Variants in SEMA5A observed in about 807,000 individuals in gnomAD.
The protein encoded by SEMA5A is semaphorin 5A, also known as semaphorin-5A.
In SEMA5A, 55 loss-of-function variants were observed where a neutral mutation model predicts 135.5. The ratio of observed to expected loss-of-function variants is 0.41; its 90% CI spans 0.33 to 0.51. The LOEUF is 0.51. Among genes scored for constraint, SEMA5A ranks in the 20% least tolerant of loss-of-function variants. The pLI is 0.37. For missense variants in SEMA5A, 1,290 were observed against 1,419.9 expected, an observed-to-expected ratio of 0.91 and a Z score of 1.47; for synonymous variants, 580 against 546.5, an observed-to-expected ratio of 1.06 and a Z score of -0.85.
rs1211680794 is a variant in SEMA5A at position 9,380,019 on chromosome 5, A to T, written c.-73T>A. ...GCTCTTCTTCTCCTCATGTGTGGAA[A>T]GTGCCTAAAACACACAAAAGAGAAG... On this transcript the variant is annotated 5_prime_UTR_variant, in exon 3 of 23. Transcript: ENST00000382496. The T allele has an allele frequency of 1.3e-6, 2 of 1,522,112 alleles. No individual in the cohort carries two copies. Among genetic ancestry groups the T allele is most frequent in the Non-Finnish European group, 1.8e-6 (2 of 1,132,450 alleles). The allele number at this position is 1,522,112 out of a possible 1,614,324, so 94.3% of individuals were successfully genotyped here. A position where few individuals can be genotyped will look rare whatever the true frequency, so the allele number is the denominator to read the frequency against.
intron 2 of SEMA5A, among the ~76,000 whole-genome samples, chr5:9,385,306 GA>G (rs372399817): frequency 1.3e-5 from 2 of 151,758 alleles, no homozygotes; most frequent in South Asian, 2.1e-4. Context: ...CTCCTTTTAG[GA>G]AAAAAAATTG....
intron 2 of SEMA5A, among the ~76,000 whole-genome samples, chr5:9,415,783 CCT>C (rs1435102851): frequency 6.6e-6 from 1 of 152,146 alleles, no homozygotes; most frequent in Non-Finnish European, 1.5e-5. Flanking sequence ...TGGTTTATGG[CCT>C]CACTCTATTT....
At chr5:9,118,939 C>T in intron 15 of SEMA5A, 59 bp downstream of exon 15, 1 of 1,580,512 alleles carries the variant, frequency 6.3e-7, no homozygotes, top group East Asian at 2.3e-5. Flanking sequence ...GGAACTCGAC[C>T]TGGCCGGAAT....
chr5:9,384,599 G>C lies in SEMA5A; in HGVS notation c.-77-4576C>G, dbSNP rs371037775. Among the ~76,000 whole-genome samples, 441 of 112,782 alleles carry C rather than the reference G, an allele frequency of 3.9e-3. 14 individuals are homozygous for C. The highest frequency in any genetic ancestry group is 0.013 in the African/African-American group (314 of 24,670). The allele number at this position is 112,782 out of a possible 152,430, so 74.0% of individuals were successfully genotyped here. A position where few individuals can be genotyped will look rare whatever the true frequency, so the allele number is the denominator to read the frequency against. ...AGATAGATAGATAGATAGATAGATAGATAGATAGATAGATAGATACATAGA... is the reference window on the plus strand; with the variant it reads ...AGATAGATAGATAGATAGATAGATACATAGATAGATAGATAGATACATAGA... On this transcript the variant is annotated intron_variant, in intron 2 of 22. Coordinates refer to ENST00000382496, the MANE Select transcript of SEMA5A (RefSeq NM_003966.3).
chr5:9,117,722 A>G (rs1740596616), intron 15 of SEMA5A, among the ~76,000 whole-genome samples: 1 of 152,212 alleles, frequency 6.6e-6, no homozygotes, highest in Admixed American at 6.5e-5. Flanking sequence ...AGGAATGTTC[A>G]ACCTGTCCTA....
intron 2 of SEMA5A, among the ~76,000 whole-genome samples, chr5:9,425,228 T>C (rs550592991): frequency 6.6e-6 from 1 of 152,234 alleles, no homozygotes; most frequent in Admixed American, 6.5e-5. Flanking sequence ...CACTGGACAA[T>C]ACTTTTTTTA....
rs1554006684 is a variant in SEMA5A, at chr5:9,226,996, A to AAAAT, written c.334-30_334-29insATTT. On this transcript the variant is annotated intron_variant, in intron 6 of 22. Transcript: ENST00000382496. ...AGGGAAAATAAATAAATTAATTAAA[A>AAAAT]ATATATATATATATGTATAATGATA... 41 of 1,059,382 alleles carry AAAAT rather than the reference A, an allele frequency of 3.9e-5. No homozygotes were observed. The East Asian group carries it at 1.0e-3, about 26-fold the overall frequency. The allele number at this position is 1,059,382 out of a possible 1,614,324, so 65.6% of individuals were successfully genotyped here.
intron 1 of SEMA5A, among the ~76,000 whole-genome samples, chr5:9,494,389 C>T (rs1416892313): frequency 6.6e-6 from 1 of 152,174 alleles, no homozygotes; most frequent in Non-Finnish European, 1.5e-5. Context: ...AATATAATCT[C>T]TTTGCTTTCC....
At chr5:9,122,627 G>A (rs1465861085) in intron 14 of SEMA5A, 29 bp downstream of exon 14, 19 of 1,497,714 alleles carry the variant, frequency 1.3e-5, no homozygotes, top group Non-Finnish European at 1.6e-5. Context: ...ATACACAGCA[G>A]CACAACTGGC....
intron 12 of SEMA5A, among the ~76,000 whole-genome samples, chr5:9,142,950 TCAGA>T (rs1742145801): frequency 7.1e-6 from 1 of 140,708 alleles, no homozygotes; most frequent in Non-Finnish European, 1.6e-5. Flanking sequence ...AGAATCCATC[TCAGA>T]CAAACAAACA....
intron 1 of SEMA5A, among the ~76,000 whole-genome samples, chr5:9,451,033 G>A (rs1057384917): frequency 9.2e-5 from 14 of 152,152 alleles, no homozygotes; most frequent in Non-Finnish European, 1.5e-4. Flanking sequence ...AAACAATGAC[G>A]CAGAAATAAA....
intron 11 of SEMA5A, among the ~76,000 whole-genome samples, chr5:9,173,341 T>C (rs999217380): frequency 2.0e-5 from 3 of 149,678 alleles, no homozygotes; most frequent in African/African-American, 7.4e-5. Flanking sequence ...TAATTTCAGA[T>C]ATTCTCAACT....
chr5:9,093,029 T>C (rs1739120745), intron 16 of SEMA5A, among the ~76,000 whole-genome samples: 2 of 152,218 alleles, frequency 1.3e-5, no homozygotes, highest in African/African-American at 4.8e-5. Context: ...AAATTTCTTC[T>C]CTGAAATTGA....
intron 8 of SEMA5A, among the ~76,000 whole-genome samples, chr5:9,202,972 G>A (rs970019866): frequency 2.0e-5 from 3 of 152,044 alleles, no homozygotes; most frequent in African/African-American, 7.2e-5. Context: ...TTTAAAATGG[G>A]GAAACAAAGA....
rs182908235 is a variant in SEMA5A at position 9,150,798 on chromosome 5, G to C, written c.1481+3690C>G. Among the ~76,000 whole-genome samples, 96 of 152,300 alleles carry C rather than the reference G, an allele frequency of 6.3e-4. 2 individuals carry two copies. The highest frequency in any genetic ancestry group is 8.8e-5 in the Non-Finnish European group (6 of 68,020). On this transcript the variant is annotated intron_variant, in intron 12 of 22. Coordinates refer to ENST00000382496, the MANE Select transcript of SEMA5A (RefSeq NM_003966.3). ...CTGATGGCAAGCAGAATGAGGAAGA[G>C]GCTAACGGGAAGGGGGTTGAGCCTC...
At chr5:9,187,468 T>C (rs72741940) in intron 11 of SEMA5A, among the ~76,000 whole-genome samples, 1,838 of 152,288 alleles carry the variant, frequency 0.012, 23 homozygotes, top group Non-Finnish European at 0.017. Context: ...TGCATATGGT[T>C]TGGAGCAGGG....
At chr5:9,439,150 C>A (rs1214334706) in intron 1 of SEMA5A, among the ~76,000 whole-genome samples, 1 of 152,144 alleles carries the variant, frequency 6.6e-6, no homozygotes, top group Admixed American at 6.5e-5. Flanking sequence ...CTCAAAAGTC[C>A]GTGACATCAT....
At chr5:9,424,992 C>T (rs1757593730) in intron 2 of SEMA5A, among the ~76,000 whole-genome samples, 1 of 152,190 alleles carries the variant, frequency 6.6e-6, no homozygotes, top group African/African-American at 2.4e-5. Flanking sequence ...ACGTAAATAA[C>T]TCATATCCCA....
At chr5:9,505,071 G>A (rs890453328) in intron 1 of SEMA5A, among the ~76,000 whole-genome samples, 5 of 151,680 alleles carry the variant, frequency 3.3e-5, no homozygotes, top group African/African-American at 1.2e-4. Context: ...TCAGAACACT[G>A]AAGAATTGAA....
Sources: gnomAD v4.1 joint callset for allele counts (sites outside exome capture counted in the v4.1 genomes callset) on GRCh38, gnomAD v4.1.1 for gene constraint, MANE v1.5 for transcripts, NCBI Gene and HGNC (gene_info 2026-07-23, HGNC 2026-07-21) for gene names.